Variants in DCC observed in about 807,000 individuals in gnomAD.
The protein encoded by DCC is netrin receptor DCC.
Under a neutral mutation model 172.5 loss-of-function variants are expected in DCC, and 58 were observed. The ratio of observed to expected loss-of-function variants is 0.34; its 90% CI spans 0.27 to 0.42. The LOEUF (loss-of-function observed/expected upper bound fraction) is 0.42, where lower values mean the gene tolerates loss of function less well. Ranked by LOEUF, DCC falls within the 10% of genes least tolerant of loss-of-function variation. DCC has a pLI of 1.00. For synonymous variants in DCC, 709 were observed against 644.5 expected (o/e 1.10, Z -1.52); for missense variants, 1,740 against 1,791.0 (o/e 0.97, Z 0.51).
chr18:52,902,365 CAG>C (rs1464759848), intron 2 of DCC, among the ~76,000 whole-genome samples: 3 of 152,116 alleles, frequency 2.0e-5, no homozygotes, highest in South Asian at 2.1e-4. Context: ...GTGAGGAAAA[CAG>C]AGAGATAGGA....
intron 2 of DCC, among the ~76,000 whole-genome samples, chr18:52,842,631 G>A (rs776043027): frequency 5.9e-5 from 9 of 152,148 alleles, no homozygotes; most frequent in Non-Finnish European, 1.3e-4. Flanking sequence ...TAGTTGAGCT[G>A]ACACATAAAA....
At chr18:52,868,488 A>C (rs2039264849) in intron 2 of DCC, among the ~76,000 whole-genome samples, 1 of 152,216 alleles carries the variant, frequency 6.6e-6, no homozygotes, top group Non-Finnish European at 1.5e-5. Context: ...TTGCAAAAGT[A>C]TGACAGTAAG....
intron 1 of DCC, among the ~76,000 whole-genome samples, chr18:52,392,740 C>A (rs1020190949): frequency 4.6e-5 from 7 of 151,948 alleles, no homozygotes; most frequent in Admixed American, 3.9e-4. Flanking sequence ...TTCCTGTCTA[C>A]TCAAAAAATG....
intron 27 of DCC, among the ~76,000 whole-genome samples, chr18:53,524,855 G>A (rs1568186907): frequency 6.6e-6 from 1 of 152,030 alleles, no homozygotes; most frequent in Non-Finnish European, 1.5e-5. Context: ...ATTCCTAAAT[G>A]TGCGAACTTA....
chr18:53,073,067 T>A (rs1470568556), intron 7 of DCC, among the ~76,000 whole-genome samples: 4 of 152,230 alleles, frequency 2.6e-5, no homozygotes. Context: ...ATCTAAGATA[T>A]ACACCTGCTT....
intron 3 of DCC, among the ~76,000 whole-genome samples, chr18:52,920,644 C>T (rs962877347): frequency 6.6e-6 from 1 of 152,116 alleles, no homozygotes; most frequent in South Asian, 2.1e-4. Context: ...CAAAGCTAAA[C>T]AGTTTTACCA....
chr18:52,967,478 T>A (rs139584700), intron 5 of DCC, among the ~76,000 whole-genome samples: 2,048 of 152,294 alleles, frequency 0.013, 60 homozygotes, highest in African/African-American at 0.047. Flanking sequence ...TGAATTCAAG[T>A]GGGTCATTTT....
chr18:53,273,623 A>C (rs2056772857), intron 12 of DCC, among the ~76,000 whole-genome samples: 1 of 152,016 alleles, frequency 6.6e-6, no homozygotes, highest in Non-Finnish European at 1.5e-5. Context: ...ATAAGTTCTG[A>C]GTTTGTGTTA....
chr18:52,501,785 T>A (rs2031032478), intron 1 of DCC, among the ~76,000 whole-genome samples: 1 of 152,192 alleles, frequency 6.6e-6, no homozygotes, highest in Non-Finnish European at 1.5e-5. Context: ...TTAGGGCACA[T>A]ATACTTTCTT....
chr18:53,102,123 A>G (rs1450518044), intron 7 of DCC, among the ~76,000 whole-genome samples: 2 of 152,092 alleles, frequency 1.3e-5, no homozygotes, highest in African/African-American at 4.8e-5. Context: ...GAAGTTGTGG[A>G]GTTGGCATAT....
intron 16 of DCC, among the ~76,000 whole-genome samples, chr18:53,390,582 A>G (rs1204236233): frequency 6.6e-6 from 1 of 152,202 alleles, no homozygotes; most frequent in Non-Finnish European, 1.5e-5. Flanking sequence ...TATGCACTAC[A>G]TAATATAAAG....
chr18:53,381,874 TA>T (rs1907769343), intron 15 of DCC, among the ~76,000 whole-genome samples: 1 of 151,988 alleles, frequency 6.6e-6, no homozygotes, highest in East Asian at 1.9e-4. Context: ...TAATTTCTCA[TA>T]AAAATCTGGA....
At chr18:52,395,381 G>T (rs758934980) in intron 1 of DCC, among the ~76,000 whole-genome samples, 1 of 151,992 alleles carries the variant, frequency 6.6e-6, no homozygotes, top group Non-Finnish European at 1.5e-5. Context: ...CTCTGTTTGC[G>T]GTATTGCTCG....
chr18:52,770,083 T>C (rs1392767949), intron 2 of DCC, among the ~76,000 whole-genome samples: 2 of 152,204 alleles, frequency 1.3e-5, no homozygotes, highest in African/African-American at 4.8e-5. Flanking sequence ...TCCACTGCTT[T>C]TAGGATCAAA....
chr18:53,382,351 GA>G lies in DCC; in HGVS notation c.2360-3684del, dbSNP rs930137141. On this transcript the variant is annotated intron_variant, in intron 15 of 28. Coordinates refer to ENST00000442544, the MANE Select transcript of DCC (RefSeq NM_005215.4). ...ACTCAAAAGAATATATTTCCCAGTG[GA>G]AAAAAAAGTGTACTTTTTGATCTAC... Among the ~76,000 whole-genome samples the G allele has an allele frequency of 1.7e-4, 26 of 151,640 alleles. No homozygotes were observed. In the East Asian group the frequency reaches 4.5e-3, roughly 26 times the overall value.
At chr18:53,167,616 A>T (rs1304275380) in intron 8 of DCC, among the ~76,000 whole-genome samples, 1 of 152,214 alleles carries the variant, frequency 6.6e-6, no homozygotes, top group East Asian at 1.9e-4. Flanking sequence ...TATTTAAAAA[A>T]TTATGAGCCC....
intron 1 of DCC, among the ~76,000 whole-genome samples, chr18:52,540,851 C>T (rs1247300960): frequency 6.6e-6 from 1 of 151,978 alleles, no homozygotes; most frequent in Non-Finnish European, 1.5e-5. Context: ...CGTGATCCGC[C>T]CGCCTCGGCC....
chr18:53,462,386 C>A (rs1221492711), intron 24 of DCC, among the ~76,000 whole-genome samples: 3 of 151,916 alleles, frequency 2.0e-5, no homozygotes, highest in Non-Finnish European at 4.4e-5. Context: ...AGCATGAACC[C>A]TATTGTGAAG....
chr18:52,348,358 A>C (rs1353052688), intron 1 of DCC, among the ~76,000 whole-genome samples: 1 of 152,200 alleles, frequency 6.6e-6, no homozygotes, highest in Non-Finnish European at 1.5e-5. Flanking sequence ...TTGCTGAGTC[A>C]TAGAAGGGTA....
Sources: gnomAD v4.1 joint callset for allele counts (sites outside exome capture counted in the v4.1 genomes callset) on GRCh38, gnomAD v4.1.1 for gene constraint, MANE v1.5 for transcripts, NCBI Gene and HGNC (gene_info 2026-07-23, HGNC 2026-07-21) for gene names.